The following CDC5L variants were observed in gnomAD, a reference collection of about 807,000 sequenced individuals.
CDC5L encodes the protein cell division cycle 5 like.
Under a neutral mutation model 104.1 loss-of-function variants are expected in CDC5L, and 18 were observed. The ratio of observed to expected loss-of-function variants is 0.17; its 90% confidence interval spans 0.12 to 0.26. The LOEUF (loss-of-function observed/expected upper bound fraction) is 0.26. Among genes scored for constraint, CDC5L ranks in the 10% least tolerant of loss-of-function variants. The pLI is 1.00. For missense variants in CDC5L, 673 were observed against 956.9 expected, an observed-to-expected ratio of 0.70 and a Z score of 3.91; for synonymous variants, 331 against 322.7, an observed-to-expected ratio of 1.03 and a Z score of -0.28.
At chr6:44,409,118 A>G (rs1207004876) in intron 8 of CDC5L, among the ~76,000 whole-genome samples, 1 of 152,206 alleles carries the variant, frequency 6.6e-6, no homozygotes, top group Non-Finnish European at 1.5e-5. Context: ...TGGTACACTT[A>G]CATCTCATTT....
Position 44,387,757 on chromosome 6 carries a change from G to A in CDC5L, c.-67G>A. 1 of 1,388,622 alleles carries A rather than the reference G, an allele frequency of 7.2e-7. No individual in the cohort carries two copies. The highest frequency in any genetic ancestry group is 1.0e-6 in the Non-Finnish European group (1 of 1,001,498). The allele number at this position is 1,388,622 out of a possible 1,614,324, so 86.0% of individuals were successfully genotyped here. ...GGAAGTGGCGGCTTTGAGTCCGGTG[G>A]CCCAATCGCTGTTACTACTTCTCTG... On this transcript the variant is annotated 5_prime_UTR_variant, in exon 1 of 16. Transcript: ENST00000371477.
Position 44,424,450 on chromosome 6 carries a change from G to A in CDC5L, c.1436G>A (p.Gly479Glu). ...ERESREHLRL[G>E]LLGLPAPKND... Reference sequence around the variant, plus strand: ...GAATCCCGAGAACATCTCCGTTTAGGGTTGTTGGGCCTTCCTGCCCCTAAG... The same window carrying A: ...GAATCCCGAGAACATCTCCGTTTAGAGTTGTTGGGCCTTCCTGCCCCTAAG... Residue 479 changes from glycine (G) to glutamate (E), a missense_variant, in exon 11 of 16, where the codon GGG becomes GAG. Gly to Glu is a moderately conservative substitution (Grantham distance 98). Around this residue, in one of 4 missense-constraint regions of CDC5L, gnomAD observed 578 missense variants for 737.0 expected, o/e 0.78. Coordinates refer to ENST00000371477, the MANE Select transcript of CDC5L (RefSeq NM_001253.4). 4 of 1,613,900 alleles carry A rather than the reference G, an allele frequency of 2.5e-6. No individual in the cohort carries two copies. The highest frequency in any genetic ancestry group is 1.1e-5 in the South Asian group (1 of 91,056).
chr6:44,439,129 G>A (rs1204766814), intron 14 of CDC5L, among the ~76,000 whole-genome samples: 2 of 152,058 alleles, frequency 1.3e-5, no homozygotes, highest in Non-Finnish European at 2.9e-5. Context: ...TTTGTGATGG[G>A]CTTCTTTTAC....
rs367840827 is a variant in CDC5L, at chr6:44,405,876, G to A, written c.759-447G>A. The stretch of plus-strand genomic sequence containing the variant: ...GTAATGGTGTAGGGGACTACTTAAT[G>A]TATATTGTTTTTACCTTTTTTTAGC... On this transcript the variant is annotated intron_variant, in intron 6 of 15. Coordinates refer to ENST00000371477, the MANE Select transcript of CDC5L (RefSeq NM_001253.4). Among the ~76,000 whole-genome samples the A allele has an allele frequency of 1.9e-4, 28 of 151,324 alleles. No homozygotes were observed. The East Asian group carries it at 2.1e-3, about 12-fold the overall frequency.
In CDC5L at chr6:44,446,763, C is replaced by A; in HGVS notation, c.*52C>A. Reference sequence around the variant, plus strand: ...TTAATTAATTGCCGGTTTTCATACTCTAGAAGGCTGAAACTGATGTTTATC... The same window carrying A: ...TTAATTAATTGCCGGTTTTCATACTATAGAAGGCTGAAACTGATGTTTATC... On this transcript the variant is annotated 3_prime_UTR_variant, in exon 16 of 16. Transcript: ENST00000371477. The A allele has an allele frequency of 2.3e-6, 2 of 873,124 alleles. No individual in the cohort carries two copies. The highest frequency in any genetic ancestry group is 1.7e-5 in the African/African-American group (1 of 58,208). The allele number at this position is 873,124 out of a possible 1,614,324, so 54.1% of individuals were successfully genotyped here. A position where few individuals can be genotyped will look rare whatever the true frequency, so the allele number is the denominator to read the frequency against.
chr6:44,402,169 C>A (rs904111730), intron 5 of CDC5L, among the ~76,000 whole-genome samples: 35 of 144,604 alleles, frequency 2.4e-4, no homozygotes, highest in Admixed American at 7.1e-4. Flanking sequence ...GGTATATACC[C>A]AGTAATGGGA....
Position 44,446,647 on chromosome 6 carries a change from AG to A in CDC5L, c.2347del (p.Glu783AsnfsTer16). On this transcript the variant is annotated frameshift_variant, in exon 16 of 16. Transcript: ENST00000371477. LOFTEE classifies it high-confidence loss of function. ...EDVQRQQERE[K>X]ELQHRYADLL... The stretch of plus-strand genomic sequence containing the variant: ...GTTCAGCGACAACAAGAAAGAGAAA[AG>A]GAACTTCAACATAGATATGCTGATT... The A allele has an allele frequency of 6.3e-7, 1 of 1,594,132 alleles. No individual in the cohort carries two copies. The highest frequency in any genetic ancestry group is 8.5e-7 in the Non-Finnish European group (1 of 1,171,914).
At chr6:44,418,968 A>G (rs375827752) in intron 8 of CDC5L, among the ~76,000 whole-genome samples, 1 of 150,592 alleles carries the variant, frequency 6.6e-6, no homozygotes, top group Non-Finnish European at 1.5e-5. Flanking sequence ...CTCTGATGGT[A>G]GTTTCTTTTG....
At position 44,393,481 on chromosome 6, in the gene CDC5L, C is replaced by T. The variant is rs1327269903; in HGVS notation, c.347C>T (p.Thr116Ile). ...KAAQRDNEEE[T>I]TDDPRKLKPG... ...GCCCAAAGAGACAATGAAGAGGAAA[C>T]AACAGATGATCCACGAAAACTTAAA... The change falls in exon 4 of 16, where the codon ACA becomes ATA. Residue 116 changes from threonine to isoleucine, a missense_variant. By Grantham distance (89) the Thr-to-Ile change is moderately conservative (BLOSUM62 -1). This residue lies in a region of CDC5L where 74 missense variants were observed against 123.5 expected (regional missense o/e 0.60). Transcript: ENST00000371477. 4 of 1,613,742 alleles carry T rather than the reference C, an allele frequency of 2.5e-6. No individual in the cohort carries two copies. In the South Asian group the frequency reaches 4.4e-5, roughly 18 times the overall value.
At chr6:44,407,759 A>G (rs1791440726) in intron 7 of CDC5L, among the ~76,000 whole-genome samples, 1 of 152,224 alleles carries the variant, frequency 6.6e-6, no homozygotes, top group African/African-American at 2.4e-5. Flanking sequence ...CTGCATCAAC[A>G]CAAGATTCTT....
In CDC5L at chr6:44,424,542, A is replaced by G. The variant is rs775979730; in HGVS notation, c.1528A>G (p.Thr510Ala). 8 of 1,613,882 alleles carry G rather than the reference A, an allele frequency of 5.0e-6. No individual in the cohort carries two copies. Among genetic ancestry groups the G allele is most frequent in the Admixed American group, 1.7e-5 (1 of 59,968 alleles). Residue 510 changes from threonine (T) to alanine (A), a missense_variant, in exon 11 of 16, where the codon ACT becomes GCT. Thr to Ala is a moderately conservative substitution (Grantham distance 58). Coordinates refer to ENST00000371477, the MANE Select transcript of CDC5L (RefSeq NM_001253.4). ...KELEEREIDD[T>A]YIEDAADVDA... ...GCTGGAAGAACGTGAAATAGATGAT[A>G]CTTACATTGAAGATGCTGCTGATGT...
intron 7 of CDC5L, among the ~76,000 whole-genome samples, 171 bp from the exon 8 acceptor site, chr6:44,408,273 T>G (rs1791465286): frequency 1.3e-5 from 2 of 152,062 alleles, no homozygotes; most frequent in South Asian, 2.1e-4. Flanking sequence ...GTTGGTTTTT[T>G]TTTTTTTTTC....
At position 44,446,713 on chromosome 6, in the gene CDC5L, G is replaced by A. The variant is rs536182131; in HGVS notation, c.*2G>A. The A allele has an allele frequency of 1.2e-5, 17 of 1,422,570 alleles. No homozygotes were observed. In the South Asian group the frequency reaches 1.8e-4, roughly 15 times the overall value. The allele number at this position is 1,422,570 out of a possible 1,614,324, so 88.1% of individuals were successfully genotyped here. On this transcript the variant is annotated 3_prime_UTR_variant, in exon 16 of 16. Coordinates refer to ENST00000371477, the MANE Select transcript of CDC5L (RefSeq NM_001253.4). ...GAGACTTTAAAGTCAAAATTCTGAA[G>A]TACAGTTTATATTCTGTCACAGGAT... is the stretch of plus-strand genomic sequence containing the variant.
chr6:44,404,116 T>G, intron 6 of CDC5L, 89 bp downstream of exon 6: 1 of 771,456 alleles, frequency 1.3e-6, no homozygotes, highest in South Asian at 2.7e-5. Flanking sequence ...AGAGCCAGAT[T>G]TTTATTATTT....
intron 3 of CDC5L, 110 bp downstream of exon 3, chr6:44,392,938 AC>A: frequency 1.0e-6 from 1 of 961,626 alleles, no homozygotes; most frequent in Non-Finnish European, 1.5e-6. Flanking sequence ...ATGTGAGTAA[AC>A]CCAAAGCTAA....
At position 44,445,554 on chromosome 6, in the gene CDC5L, G is replaced by C. The variant is rs1181441395; in HGVS notation, c.2092-101G>C. 3 of 702,098 alleles carry C rather than the reference G, an allele frequency of 4.3e-6. No homozygotes were observed. The East Asian group carries it at 8.1e-5, about 19-fold the overall frequency. 43.5% of individuals were successfully genotyped at this position (702,098 alleles called of 1,614,324 possible). ...CTATAAGGAGTTCTAGTGTATTTTT[G>C]CTTTGAGACACATACATGAACGCAT... On this transcript the variant is annotated intron_variant, in intron 14 of 15. Transcript: ENST00000371477.
chr6:44,401,548 T>G (rs1791125462), intron 5 of CDC5L, among the ~76,000 whole-genome samples: 1 of 152,108 alleles, frequency 6.6e-6, no homozygotes, highest in African/African-American at 2.4e-5. Flanking sequence ...CCTGGGTTCT[T>G]GGCTGCACTT....
chr6:44,395,298 A>G (rs1790820594), intron 4 of CDC5L, among the ~76,000 whole-genome samples: 1 of 152,270 alleles, frequency 6.6e-6, no homozygotes. Context: ...TGGGTACCCC[A>G]GATATACTGA....
intron 11 of CDC5L, 30 bp from the exon 12 acceptor site, chr6:44,426,073 G>T: frequency 6.9e-7 from 1 of 1,456,344 alleles, no homozygotes; most frequent in South Asian, 1.2e-5. Flanking sequence ...CGCTATAGCT[G>T]CAATAAAGGA....
Sources: allele counts gnomAD v4.1 joint callset (sites outside exome capture counted in the v4.1 genomes callset), GRCh38; gene constraint gnomAD v4.1.1; regional missense constraint gnomAD v4.1.1; transcripts MANE v1.5; gene names NCBI Gene and HGNC (gene_info 2026-07-23, HGNC 2026-07-21).